REX1BD: variants seen among roughly 807,000 people sequenced by gnomAD.
REX1BD encodes the protein required for excision 1-B domain containing.
Under a neutral mutation model 24.4 loss-of-function variants are expected in REX1BD, and 22 were observed. That is an observed-to-expected ratio of 0.90 (90% CI 0.64 to 1.29). REX1BD has a LOEUF of 1.29. Ranked by LOEUF, REX1BD falls within the 50% of genes most tolerant of loss-of-function variation. REX1BD has a pLI of 0.00. For synonymous variants in REX1BD, 146 were observed against 125.9 expected (o/e 1.16, Z -1.07); for missense variants, 293 against 285.3 (o/e 1.03, Z -0.19).
chr19:18,589,943 CA>C, intron 3 of REX1BD: 1 of 487,272 alleles, frequency 2.1e-6, no homozygotes. Context: ...AATGCTATTC[CA>C]AGATGCCCAG....
intron 3 of REX1BD, chr19:18,590,467 C>A (rs1248048868): frequency 5.1e-6 from 1 of 194,416 alleles, no homozygotes; most frequent in South Asian, 7.6e-5. Flanking sequence ...GCGATCCGCC[C>A]TCTTCTGCTT....
In REX1BD at chr19:18,590,554, C is replaced by T. The variant is rs1457091760; in HGVS notation, c.454-300C>T. The T allele has an allele frequency of 1.9e-5, 6 of 316,406 alleles. No individual in the cohort carries two copies. The East Asian group carries it at 3.5e-4, about 18-fold the overall frequency. 19.6% of individuals were successfully genotyped at this position (316,406 alleles called of 1,614,324 possible). ...CTACTTTTATCCTGGGTCCCCGTCCCTGGGACCATGAGGCGCAACCTAACC... is the reference window on the plus strand; with the variant it reads ...CTACTTTTATCCTGGGTCCCCGTCCTTGGGACCATGAGGCGCAACCTAACC... On this transcript the variant is annotated intron_variant, in intron 3 of 4. Transcript: ENST00000358607.
At chr19:18,592,050 G>A (rs746634246) in intron 4 of REX1BD, 58 bp from the exon 5 acceptor site, 20 of 1,602,338 alleles carry the variant, frequency 1.2e-5, no homozygotes, top group African/African-American at 2.7e-5. Context: ...GCAGCTTCGC[G>A]GCAGCAGCTA....
chr19:18,588,931 G>T, intron 1 of REX1BD, 31 bp downstream of exon 1: 1 of 1,524,582 alleles, frequency 6.6e-7, no homozygotes, highest in Admixed American at 2.0e-5. Flanking sequence ...GAACGGGCGC[G>T]GGGCGGGCGG....
chr19:18,591,760 A>C, intron 4 of REX1BD: 2 of 259,056 alleles, frequency 7.7e-6, no homozygotes, highest in Non-Finnish European at 1.5e-5. Context: ...ATGCCTGGCT[A>C]ATTCTTGTAT....
chr19:18,589,223 C>T (rs1200008219), intron 2 of REX1BD, 146 bp downstream of exon 2: 21 of 1,520,410 alleles, frequency 1.4e-5, no homozygotes, highest in South Asian at 2.4e-5. Context: ...GGCACCGGGT[C>T]CTCACCTTCA....
At chr19:18,589,235 GA>G in intron 2 of REX1BD, 158 bp downstream of exon 2, 3 of 1,524,742 alleles carry the variant, frequency 2.0e-6, no homozygotes, top group Non-Finnish European at 2.6e-6. Flanking sequence ...TCACCTTCAC[GA>G]AAAAGGCCCC....
chr19:18,590,463 C>A (rs2145320163), intron 3 of REX1BD: 1 of 184,956 alleles, frequency 5.4e-6, no homozygotes, highest in South Asian at 8.8e-5. Flanking sequence ...TCAAGCGATC[C>A]GCCCTCTTCT....
At chr19:18,591,200 C>T in intron 4 of REX1BD, 1 of 385,714 alleles carries the variant, frequency 2.6e-6, no homozygotes, top group Non-Finnish European at 4.7e-6. Context: ...CCACTGAGCA[C>T]AGACCTTCAG....
At chr19:18,592,078 T>A in intron 4 of REX1BD, 30 bp from the exon 5 acceptor site, 1 of 1,613,294 alleles carries the variant, frequency 6.2e-7, no homozygotes, top group South Asian at 1.1e-5. Context: ...CCATCTGGGT[T>A]TTATTTATAG....
Position 18,592,097 on chromosome 19 carries a change from C to A in REX1BD, c.534-11C>A. 1 of 1,613,950 alleles carries A rather than the reference C, an allele frequency of 6.2e-7. No individual in the cohort carries two copies. Reference sequence around the variant, plus strand: ...CTGGGTTTTATTTATAGTTCCCATCCGCTCTTGTAGGGTAATTAAAACCAT... The same window carrying A: ...CTGGGTTTTATTTATAGTTCCCATCAGCTCTTGTAGGGTAATTAAAACCAT... On this transcript the variant is annotated splice_polypyrimidine_tract_variant and intron_variant, in intron 4 of 4. Transcript: ENST00000358607.
rs1976025344 is a variant in REX1BD, at chr19:18,590,837, G to C, written c.454-17G>C. On this transcript the variant is annotated splice_polypyrimidine_tract_variant and intron_variant, in intron 3 of 4. Transcript: ENST00000358607. ...TGCTCGTGGAGACATCCTTCGTGTT[G>C]CTCATTCCCCCACCAGGTGGCCCTG... 4 of 1,597,942 alleles carry C rather than the reference G, an allele frequency of 2.5e-6. No homozygotes were observed. The highest frequency in any genetic ancestry group is 3.4e-6 in the Non-Finnish European group (4 of 1,172,874).
chr19:18,589,855 C>T (rs10416678), intron 3 of REX1BD, 172 bp downstream of exon 3: 1 of 1,016,048 alleles, frequency 9.8e-7, no homozygotes, highest in Non-Finnish European at 1.3e-6. Context: ...ACCTTGCCCT[C>T]TGCTGTTCAT....
chr19:18,590,015 A>G (rs1976004869), intron 3 of REX1BD: 1 of 314,348 alleles, frequency 3.2e-6, no homozygotes, highest in East Asian at 5.8e-5. Flanking sequence ...CCCACCCTCA[A>G]CCTCCCGTAG....
chr19:18,588,955 G>C, intron 1 of REX1BD, 40 bp from the exon 2 acceptor site: 1 of 1,524,020 alleles, frequency 6.6e-7, no homozygotes, highest in Non-Finnish European at 8.8e-7. Context: ...AGACCCAGGG[G>C]CGCGGGCTTC....
Position 18,588,820 on chromosome 19 carries a change from G to C in REX1BD, c.19G>C (p.Ala7Pro). The C allele has an allele frequency of 6.5e-7, 1 of 1,532,792 alleles. No homozygotes were observed. The highest frequency in any genetic ancestry group is 8.7e-7 in the Non-Finnish European group (1 of 1,145,778). 94.9% of individuals were successfully genotyped at this position (1,532,792 alleles called of 1,614,324 possible). ...CGCAGTCATGATCACCGAGACCGCG[G>C]CGGAGCCTACGGTCCCTGCAGTGCC... The part of the protein sequence containing the change: MITETA[A>P]EPTVPAVPAA... Residue 7 changes from alanine (A) to proline (P), a missense_variant, in exon 1 of 5, where the codon GCG becomes CCG. By Grantham distance (27) the Ala-to-Pro change is conservative. Coordinates refer to ENST00000358607, the MANE Select transcript of REX1BD (RefSeq NM_001100418.2).
Position 18,591,107 on chromosome 19 carries a change from G to C in REX1BD, c.533+174G>C, listed in dbSNP as rs112375973. 568 of 581,584 alleles carry C rather than the reference G, an allele frequency of 9.8e-4. 5 individuals carry two copies. Among genetic ancestry groups the C allele is most frequent in the South Asian group, 2.9e-3 (133 of 45,376 alleles). The allele number at this position is 581,584 out of a possible 1,614,324, so 36.0% of individuals were successfully genotyped here. ...AGCCGTGAAACTTCACATCAGTTTC[G>C]CTGTGCATTGCTGGGACACTGCTGT... On this transcript the variant is annotated intron_variant, in intron 4 of 4. Transcript: ENST00000358607.
At chr19:18,589,729 G>A (rs1312627755) in intron 3 of REX1BD, 46 bp downstream of exon 3, 11 of 1,437,584 alleles carry the variant, frequency 7.7e-6, no homozygotes, top group East Asian at 5.1e-5. Context: ...GACCCTGGCC[G>A]GCTCCTCTCA....
Position 18,588,838 on chromosome 19 carries a change from G to T in REX1BD, c.37G>T (p.Ala13Ser). 6.5e-7 allele frequency: 1 copy of T among 1,533,570 alleles called. No homozygotes were observed. The allele number at this position is 1,533,570 out of a possible 1,614,324, so 95.0% of individuals were successfully genotyped here. Residue 13 changes from alanine to serine, a missense_variant, in exon 1 of 5, where the codon GCA becomes TCA. Ala to Ser is a moderately conservative substitution (Grantham distance 99, BLOSUM62 1). Transcript: ENST00000358607. The part of the protein sequence containing the change: ...TETAAEPTVP[A>S]VPAAEEATEA... Reference sequence around the variant, plus strand: ...GACCGCGGCGGAGCCTACGGTCCCTGCAGTGCCTGCTGCTGAGGAGGCCAC... The same window carrying T: ...GACCGCGGCGGAGCCTACGGTCCCTTCAGTGCCTGCTGCTGAGGAGGCCAC...
Sources: allele counts gnomAD v4.1 joint callset, GRCh38; gene constraint gnomAD v4.1.1; transcripts MANE v1.5; gene names NCBI Gene and HGNC (gene_info 2026-07-23, HGNC 2026-07-21).